The following SEC24B variants were observed in gnomAD, a reference collection of about 807,000 sequenced individuals.
SEC24B encodes protein transport protein Sec24B.
Under a neutral mutation model 142.8 loss-of-function variants are expected in SEC24B, and 45 were observed. The ratio of observed to expected loss-of-function variants is 0.32; its 90% confidence interval spans 0.25 to 0.40. The LOEUF (loss-of-function observed/expected upper bound fraction) is 0.40, where lower values mean the gene tolerates loss of function less well. Ranked by LOEUF, SEC24B falls within the 10% of genes least tolerant of loss-of-function variation. The pLI is 1.00. For synonymous variants in SEC24B, 574 were observed against 568.2 expected, an observed-to-expected ratio of 1.01 and a Z score of -0.15; for missense variants, 1,409 against 1,526.8, an observed-to-expected ratio of 0.92 and a Z score of 1.29.
intron 4 of SEC24B, among the ~76,000 whole-genome samples, chr4:109,482,274 A>G (rs1447355768): frequency 1.3e-5 from 2 of 152,186 alleles, no homozygotes; most frequent in African/African-American, 4.8e-5. Flanking sequence ...CAGAATTTGT[A>G]GTTATTTTCC....
In SEC24B at chr4:109,504,456, G is replaced by C. The variant is rs1349430188; in HGVS notation, c.1489-1872G>C. 2.0e-5 allele frequency among the ~76,000 whole-genome samples: 3 copies of C among 151,820 alleles called. No individual in the cohort carries two copies. The East Asian group carries it at 5.8e-4, about 29-fold the overall frequency. ...TTTTGGTAAAATAACTGAGTCTGTTGTTCTGTAGAATGTCCCTCATTCTGA... is the reference window on the plus strand; with the variant it reads ...TTTTGGTAAAATAACTGAGTCTGTTCTTCTGTAGAATGTCCCTCATTCTGA... On this transcript the variant is annotated intron_variant, in intron 6 of 23. Transcript: ENST00000265175.
chr4:109,532,029 G>C (rs1298071678), intron 20 of SEC24B, among the ~76,000 whole-genome samples: 1 of 151,812 alleles, frequency 6.6e-6, no homozygotes, highest in Non-Finnish European at 1.5e-5. Context: ...GCTAATTTTT[G>C]TACTTTTAGT....
intron 1 of SEC24B, among the ~76,000 whole-genome samples, chr4:109,442,063 A>T (rs530290413): frequency 6.6e-6 from 1 of 152,156 alleles, no homozygotes; most frequent in African/African-American, 2.4e-5. Flanking sequence ...GTAATTGCCT[A>T]TTGCCTTAGG....
chr4:109,480,254 A>C (rs532873571), intron 3 of SEC24B, among the ~76,000 whole-genome samples: 12 of 152,132 alleles, frequency 7.9e-5, no homozygotes, highest in African/African-American at 2.9e-4. Flanking sequence ...TATCCATGCT[A>C]ATCAAGTATG....
At chr4:109,446,551 T>TAATACACC (rs1729479819) in intron 1 of SEC24B, among the ~76,000 whole-genome samples, 1 of 152,236 alleles carries the variant, frequency 6.6e-6, no homozygotes, top group South Asian at 2.1e-4. Context: ...AGCAGGAACC[T>TAATACACC]AATACACCTG....
intron 6 of SEC24B, among the ~76,000 whole-genome samples, chr4:109,498,107 T>C (rs894698791): frequency 2.0e-5 from 3 of 152,188 alleles, no homozygotes; most frequent in African/African-American, 7.2e-5. Context: ...TTTTTCTCTT[T>C]AACTGGTAAG....
chr4:109,534,806 C>G (rs529607495), intron 22 of SEC24B, among the ~76,000 whole-genome samples: 14 of 152,136 alleles, frequency 9.2e-5, no homozygotes, highest in Non-Finnish European at 2.1e-4. Context: ...TCCTGAGTAG[C>G]TGGGACCACA....
chr4:109,504,667 C>G (rs1386219222), intron 6 of SEC24B, among the ~76,000 whole-genome samples: 1 of 151,938 alleles, frequency 6.6e-6, no homozygotes, highest in East Asian at 1.9e-4. Context: ...TCACTTATAC[C>G]ACTGCTAGGC....
rs538444622 is a variant in SEC24B at position 109,457,217 on chromosome 4, A to G, written c.134-5684A>G. 3.3e-5 allele frequency among the ~76,000 whole-genome samples: 5 copies of G among 152,342 alleles called. No homozygotes were observed. In the South Asian group the frequency reaches 6.2e-4, roughly 19 times the overall value. On this transcript the variant is annotated intron_variant, in intron 1 of 23. Transcript: ENST00000265175. The stretch of plus-strand genomic sequence containing the variant: ...TAATGTCTTAGGACTGCTGAAACAA[A>G]TGGCCACAAAGTAGGTAGCTTAAAA...
At position 109,463,047 on chromosome 4, in the gene SEC24B, C is replaced by G. The variant is rs758889612; in HGVS notation, c.280C>G (p.Leu94Val). The G allele has an allele frequency of 8.1e-6, 13 of 1,614,044 alleles. No homozygotes were observed. The highest frequency in any genetic ancestry group is 6.7e-5 in the African/African-American group (5 of 74,912). The change falls in exon 2 of 24, where the codon CTC becomes GTC. Residue 94 changes from leucine (L) to valine (V), a missense_variant. Transcript: ENST00000265175. ...DTQCGDYYSALYTVPTQNVTP... is the reference protein window; with the variant it reads ...DTQCGDYYSAVYTVPTQNVTP... ...CCAGTGTGGTGATTACTACTCTGCT[C>G]TCTATACAGTACCAACACAAAATGT...
At position 109,463,347 on chromosome 4, in the gene SEC24B, C is replaced by G. The variant is rs376483793; in HGVS notation, c.580C>G (p.Pro194Ala). The G allele has an allele frequency of 6.2e-7, 1 of 1,614,096 alleles. No homozygotes were observed. Among genetic ancestry groups the G allele is most frequent in the Non-Finnish European group, 8.5e-7 (1 of 1,180,048 alleles). Residue 194 changes from proline (P) to alanine (A), a missense_variant, in exon 2 of 24, where the codon CCT becomes GCT. By Grantham distance (27) the Pro-to-Ala change is conservative. This residue lies in a region of SEC24B where 709 missense variants were observed against 673.5 expected (regional missense o/e 1.05). Coordinates refer to ENST00000265175, the MANE Select transcript of SEC24B (RefSeq NM_006323.5). ...GTCAACTGTTTCTAATGCCGCGTAT[C>G]CTAGTGTTTCATATCCCTCTCTGCC... ...AMSTVSNAAY[P>A]SVSYPSLPAG...
intron 12 of SEC24B, 36 bp downstream of exon 12, chr4:109,520,520 C>T (rs753526704): frequency 2.1e-5 from 27 of 1,268,236 alleles, no homozygotes; most frequent in African/African-American, 3.0e-5. Flanking sequence ...TTTCTAACTA[C>T]GGACTTTGAA....
At chr4:109,521,686 T>TTTA in intron 14 of SEC24B, 60 bp downstream of exon 14, 1 of 1,237,014 alleles carries the variant, frequency 8.1e-7, no homozygotes, top group Non-Finnish European at 1.1e-6. Context: ...TTTATTCTAT[T>TTTA]TCATTAATAA....
At chr4:109,538,656 T>A in intron 23 of SEC24B, 60 bp downstream of exon 23, 1 of 1,051,052 alleles carries the variant, frequency 9.5e-7, no homozygotes, top group Non-Finnish European at 1.5e-6. Context: ...GTGGAATTGC[T>A]TGTCTTCAAA....
chr4:109,457,450 T>A (rs1730798270), intron 1 of SEC24B, among the ~76,000 whole-genome samples: 1 of 152,196 alleles, frequency 6.6e-6, no homozygotes, highest in Non-Finnish European at 1.5e-5. Flanking sequence ...CTTCTTGCTG[T>A]GTCATAACAT....
rs1009426263 is a variant in SEC24B, at chr4:109,513,450, A to G, written c.1904-297A>G. Among the ~76,000 whole-genome samples, 4 of 151,450 alleles carry G rather than the reference A, an allele frequency of 2.6e-5. No individual in the cohort carries two copies. In the East Asian group the frequency reaches 7.8e-4, roughly 29 times the overall value. Reference sequence around the variant, plus strand: ...AGGCGCACACCACTATGCCTGGCTAATTTTTGTTTTTTTAGTAGAGACGAG... The same window carrying G: ...AGGCGCACACCACTATGCCTGGCTAGTTTTTGTTTTTTTAGTAGAGACGAG... On this transcript the variant is annotated intron_variant, in intron 9 of 23. Transcript: ENST00000265175.
chr4:109,435,530 A>G (rs1368484239), intron 1 of SEC24B, among the ~76,000 whole-genome samples: 1 of 152,226 alleles, frequency 6.6e-6, no homozygotes, highest in Non-Finnish European at 1.5e-5. Context: ...ATGCATTATC[A>G]TCTTAGTGAA....
At chr4:109,515,510 T>C (rs1250893166) in intron 10 of SEC24B, among the ~76,000 whole-genome samples, 1 of 152,124 alleles carries the variant, frequency 6.6e-6, no homozygotes, top group African/African-American at 2.4e-5. Flanking sequence ...TCACCCAAGC[T>C]AGAGACAAGG....
intron 6 of SEC24B, 38 bp downstream of exon 6, chr4:109,494,894 TAA>T (rs1561134658): frequency 1.9e-6 from 3 of 1,603,616 alleles, no homozygotes; most frequent in Non-Finnish European, 2.6e-6. Context: ...GTAACAGTTA[TAA>T]AACTTAATTC....
Sources: gnomAD v4.1 joint callset for allele counts (sites outside exome capture counted in the v4.1 genomes callset) on GRCh38, gnomAD v4.1.1 for gene constraint, gnomAD v4.1.1 regional missense constraint, MANE v1.5 for transcripts, NCBI Gene and HGNC (gene_info 2026-07-23, HGNC 2026-07-21) for gene names.